The following TRAF3IP1 variants were observed in gnomAD, a reference collection of about 807,000 sequenced individuals.
The protein encoded by TRAF3IP1 is TRAF3-interacting protein 1.
In TRAF3IP1, 53 loss-of-function variants were observed where a neutral mutation model predicts 89.9. The ratio of observed to expected loss-of-function variants is 0.59; its 90% CI spans 0.47 to 0.74. The LOEUF (loss-of-function observed/expected upper bound fraction) is 0.74. TRAF3IP1 is among the 30% of genes least tolerant of loss of function. The pLI, the probability that TRAF3IP1 is intolerant of heterozygous loss-of-function variation, is 0.00. For synonymous variants in TRAF3IP1, 311 were observed against 322.1 expected, an observed-to-expected ratio of 0.97 and a Z score of 0.37; for missense variants, 806 against 866.1, an observed-to-expected ratio of 0.93 and a Z score of 0.87.
Position 238,399,679 on chromosome 2 carries a change from G to A in TRAF3IP1, c.*760G>A, listed in dbSNP as rs1326196903. The A allele has an allele frequency of 7.2e-5, 11 of 152,002 alleles. No individual in the cohort carries two copies. The highest frequency in any genetic ancestry group is 2.4e-4 in the African/African-American group (10 of 41,360). 9.4% of individuals were successfully genotyped at this position (152,002 alleles called of 1,614,324 possible). A position where few individuals can be genotyped will look rare whatever the true frequency, so the allele number is the denominator to read the frequency against. Reference sequence around the variant, plus strand: ...TTTTCCTCAGACAGAGGCTAGCGCAGCCCCCCGGAGTCCTTGTTCTCCTTA... The same window carrying A: ...TTTTCCTCAGACAGAGGCTAGCGCAACCCCCCGGAGTCCTTGTTCTCCTTA... On this transcript the variant is annotated 3_prime_UTR_variant, in exon 17 of 17. Coordinates refer to ENST00000373327, the MANE Select transcript of TRAF3IP1 (RefSeq NM_015650.4).
intron 15 of TRAF3IP1, among the ~76,000 whole-genome samples, chr2:238,370,301 ATGTT>A (rs1700054814): frequency 1.3e-5 from 2 of 151,316 alleles, no homozygotes; most frequent in South Asian, 2.1e-4. Context: ...GCATGTGTGT[ATGTT>A]TATGTCTGTA....
intron 15 of TRAF3IP1, among the ~76,000 whole-genome samples, chr2:238,373,616 G>C (rs1278374579): frequency 2.6e-5 from 4 of 152,146 alleles, no homozygotes; most frequent in Non-Finnish European, 5.9e-5. Context: ...GGCAATGCGG[G>C]CTCTTTTTTG....
chr2:238,367,471 G>A (rs1699932263), intron 15 of TRAF3IP1, among the ~76,000 whole-genome samples: 1 of 152,178 alleles, frequency 6.6e-6, no homozygotes. Context: ...TGAAAGGAAT[G>A]GTTTAGAAAC....
intron 15 of TRAF3IP1, among the ~76,000 whole-genome samples, chr2:238,396,255 C>A (rs976075332): frequency 1.3e-5 from 2 of 151,756 alleles, no homozygotes; most frequent in Non-Finnish European, 2.9e-5. Flanking sequence ...TAGAAACCAT[C>A]ATTCTCAGCA....
chr2:238,333,000 G>T, intron 6 of TRAF3IP1, 105 bp downstream of exon 6: 1 of 806,246 alleles, frequency 1.2e-6, no homozygotes, highest in Non-Finnish European at 2.1e-6. Flanking sequence ...AGGAGCACAT[G>T]GTCTGGGCCT....
rs188698440 is a variant in TRAF3IP1 at position 238,328,380 on chromosome 2, T to C, written c.355-306T>C. 2.2e-3 allele frequency among the ~76,000 whole-genome samples: 328 copies of C among 152,328 alleles called. 1 individual carries two copies. The highest frequency in any genetic ancestry group is 7.7e-3 in the African/African-American group (320 of 41,568). ...TTAAGGTATTTGTAGTAGAGTTGCA[T>C]GGGTCAGCTTTATTAACCTTGAACA... On this transcript the variant is annotated intron_variant, in intron 3 of 16. Transcript: ENST00000373327.
chr2:238,337,625 G>A (rs975069954), intron 7 of TRAF3IP1, among the ~76,000 whole-genome samples: 1 of 152,258 alleles, frequency 6.6e-6, no homozygotes, highest in African/African-American at 2.4e-5. Context: ...TGATGGTTTG[G>A]ACCAGAGTGC....
intron 15 of TRAF3IP1, among the ~76,000 whole-genome samples, chr2:238,371,790 A>G (rs1217835199): frequency 6.6e-6 from 1 of 152,254 alleles, no homozygotes. Flanking sequence ...ATGATTTTGT[A>G]TATATCACAT....
intron 3 of TRAF3IP1, among the ~76,000 whole-genome samples, chr2:238,326,625 C>T (rs1697847001): frequency 6.6e-6 from 1 of 152,072 alleles, no homozygotes; most frequent in African/African-American, 2.4e-5. Context: ...AGGTCTTTCC[C>T]CAGGGTCTTC....
chr2:238,380,816 T>A (rs1274064150), intron 15 of TRAF3IP1, among the ~76,000 whole-genome samples: 3 of 151,932 alleles, frequency 2.0e-5, no homozygotes, highest in African/African-American at 7.3e-5. Flanking sequence ...TGCAAGAAAA[T>A]GAGGTAAAAG....
intron 1 of TRAF3IP1, among the ~76,000 whole-genome samples, chr2:238,323,003 C>G (rs937214201): frequency 2.6e-5 from 4 of 152,124 alleles, no homozygotes; most frequent in African/African-American, 9.7e-5. Context: ...TATAGCTACA[C>G]TAACCACCCC....
chr2:238,337,909 G>C (rs77568892), intron 7 of TRAF3IP1, among the ~76,000 whole-genome samples: 356 of 152,276 alleles, frequency 2.3e-3, no homozygotes, highest in African/African-American at 8.3e-3. Flanking sequence ...GATCAGGAGA[G>C]AGCTGGAGAA....
intron 8 of TRAF3IP1, among the ~76,000 whole-genome samples, chr2:238,341,358 G>A (rs1698644327): frequency 6.6e-6 from 1 of 151,730 alleles, no homozygotes; most frequent in African/African-American, 2.4e-5. Context: ...TTCAAAGTAT[G>A]TTAAAAAAAC....
chr2:238,348,712 T>C, intron 10 of TRAF3IP1, 52 bp from the exon 11 acceptor site: 1 of 1,462,358 alleles, frequency 6.8e-7, no homozygotes, highest in Middle Eastern at 1.7e-4. Flanking sequence ...TTCAAATAGT[T>C]ATCTATGTGT....
At chr2:238,370,728 A>G (rs1420872924) in intron 15 of TRAF3IP1, among the ~76,000 whole-genome samples, 1 of 152,236 alleles carries the variant, frequency 6.6e-6, no homozygotes, top group Non-Finnish European at 1.5e-5. Flanking sequence ...TCTCGTGGCT[A>G]GCATAGCAGT....
intron 1 of TRAF3IP1, 109 bp downstream of exon 1, chr2:238,320,894 G>C: frequency 1.0e-6 from 1 of 1,002,824 alleles, no homozygotes; most frequent in Non-Finnish European, 1.3e-6. Flanking sequence ...TCGGGCTCAG[G>C]TGCGGGTCGG....
intron 7 of TRAF3IP1, among the ~76,000 whole-genome samples, chr2:238,335,491 T>C (rs1698341312): frequency 6.6e-6 from 1 of 152,202 alleles, no homozygotes; most frequent in African/African-American, 2.4e-5. Flanking sequence ...TCTATCATTG[T>C]TCTTTTCCAA....
At chr2:238,386,805 T>C (rs192227228) in intron 15 of TRAF3IP1, among the ~76,000 whole-genome samples, 33 of 152,300 alleles carry the variant, frequency 2.2e-4, no homozygotes, top group Admixed American at 1.2e-3. Context: ...CAGTGACCCA[T>C]TGGGGCTCAT....
intron 15 of TRAF3IP1, among the ~76,000 whole-genome samples, chr2:238,356,411 C>T (rs536364991): frequency 3.3e-5 from 5 of 152,044 alleles, no homozygotes; most frequent in Admixed American, 2.0e-4. Flanking sequence ...GCAGGAGAAT[C>T]GCTTGAACCT....
Sources: allele counts gnomAD v4.1 joint callset (sites outside exome capture counted in the v4.1 genomes callset), GRCh38; gene constraint gnomAD v4.1.1; transcripts MANE v1.5; gene names NCBI Gene and HGNC (gene_info 2026-07-23, HGNC 2026-07-21).